UACA: variants seen among roughly 807,000 people sequenced by gnomAD.
UACA encodes the protein uveal autoantigen with coiled-coil domains and ankyrin repeats.
A neutral mutation model predicts 160.5 loss-of-function variants in UACA; 112 were observed. That is an observed-to-expected ratio of 0.70 (90% CI 0.60 to 0.82). UACA has a LOEUF of 0.82. Among genes scored for constraint, UACA ranks in the 40% least tolerant of loss-of-function variants. The pLI is 0.00. For missense variants in UACA, 1,574 were observed against 1,614.6 expected, an observed-to-expected ratio of 0.97 and a Z score of 0.43; for synonymous variants, 557 against 568.4, an observed-to-expected ratio of 0.98 and a Z score of 0.29.
chr15:70,706,537 A>AC (rs900280537), intron 1 of UACA, among the ~76,000 whole-genome samples: 2 of 151,126 alleles, frequency 1.3e-5, no homozygotes, highest in African/African-American at 4.8e-5. Flanking sequence ...AAAAAAAAAA[A>AC]CTCTAAAGAT....
chr15:70,671,847 G>A, intron 14 of UACA, 118 bp downstream of exon 14: 1 of 726,588 alleles, frequency 1.4e-6, no homozygotes, highest in Admixed American at 3.5e-5. Context: ...TGCTGATGAA[G>A]TTTAGCAGCA....
In UACA at chr15:70,763,537, G is replaced by A. The variant is rs989292566; in HGVS notation, c.-130C>T. The A allele has an allele frequency of 1.4e-5, 18 of 1,245,628 alleles. No homozygotes were observed. Among genetic ancestry groups the A allele is most frequent in the Non-Finnish European group, 1.8e-5 (18 of 991,426 alleles). The allele number at this position is 1,245,628 out of a possible 1,614,324, so 77.2% of individuals were successfully genotyped here. The stretch of plus-strand genomic sequence containing the variant: ...AGCCCCACCTGCCTGCCACCTGCGG[G>A]CCCCGGGCAGCAGACGTCGACAGGC... On this transcript the variant is annotated 5_prime_UTR_variant, in exon 1 of 19. Coordinates refer to ENST00000322954, the MANE Select transcript of UACA (RefSeq NM_018003.4).
intron 1 of UACA, among the ~76,000 whole-genome samples, chr15:70,729,427 T>C (rs972215483): frequency 6.6e-6 from 1 of 152,134 alleles, no homozygotes; most frequent in Non-Finnish European, 1.5e-5. Flanking sequence ...CGCAAATTAA[T>C]GCAGAAACAG....
At chr15:70,755,937 C>CT (rs2141015857) in intron 1 of UACA, among the ~76,000 whole-genome samples, 1 of 152,244 alleles carries the variant, frequency 6.6e-6, no homozygotes, top group Non-Finnish European at 1.5e-5. Context: ...AGCTCACACT[C>CT]TACCTTTCAA....
intron 1 of UACA, among the ~76,000 whole-genome samples, chr15:70,723,992 T>C (rs532278970): frequency 5.9e-5 from 9 of 152,342 alleles, no homozygotes; most frequent in Admixed American, 3.3e-4. Flanking sequence ...CTCCCTGTTA[T>C]ATATTCTGGT....
chr15:70,657,149 G>A, intron 18 of UACA, 22 bp from the exon 19 acceptor site: 2 of 1,600,388 alleles, frequency 1.2e-6, no homozygotes, highest in Non-Finnish European at 1.7e-6. Flanking sequence ...GAAGAAAGAG[G>A]AGCATTATTT....
chr15:70,663,667 C>A (rs1896798918), intron 17 of UACA, among the ~76,000 whole-genome samples: 2 of 152,070 alleles, frequency 1.3e-5, no homozygotes, highest in Non-Finnish European at 2.9e-5. Context: ...GGCACATATA[C>A]ACCATGGAAT....
chr15:70,716,103 G>A (rs1162435011), intron 1 of UACA, among the ~76,000 whole-genome samples: 1 of 152,112 alleles, frequency 6.6e-6, no homozygotes, highest in Non-Finnish European at 1.5e-5. Flanking sequence ...CTTGAATCCG[G>A]CCTGGACTTG....
In UACA at chr15:70,667,846, A is replaced by G. The variant is rs145177868; in HGVS notation, c.2838T>C (p.Asn946=). The G allele has an allele frequency of 2.1e-4, 347 of 1,614,016 alleles. 1 individual carries two copies. The African/African-American group carries it at 4.5e-3, about 21-fold the overall frequency. Residue 946 remains asparagine (N), a synonymous_variant, in exon 16 of 19, where the codon AAT becomes AAC. Coordinates refer to ENST00000322954, the MANE Select transcript of UACA (RefSeq NM_018003.4). ...SQSMRKVQDS[N]AEILANYRKG... ...TTCTGTAGTTGGCCAAGATTTCAGC[A>G]TTACTATCCTGCACCTTTCTCATGC... is the stretch of plus-strand genomic sequence containing the variant.
intron 1 of UACA, among the ~76,000 whole-genome samples, chr15:70,747,045 G>A (rs1322400314): frequency 6.6e-6 from 1 of 152,024 alleles, no homozygotes; most frequent in East Asian, 1.9e-4. Flanking sequence ...GGGTTGATGT[G>A]TGCAGCAAAC....
intron 1 of UACA, among the ~76,000 whole-genome samples, chr15:70,710,356 C>G (rs894574687): frequency 2.6e-5 from 4 of 152,116 alleles, no homozygotes; most frequent in African/African-American, 7.2e-5. Flanking sequence ...TAGGAAAAAC[C>G]AAACTTTTCC....
chr15:70,657,182 G>T (rs1319204770), intron 18 of UACA, 55 bp from the exon 19 acceptor site: 2 of 1,414,206 alleles, frequency 1.4e-6, no homozygotes. Flanking sequence ...GTTTACATAA[G>T]AATTCTAAAG....
chr15:70,759,512 G>A lies in UACA; in HGVS notation c.78+3818C>T, dbSNP rs186811309. On this transcript the variant is annotated intron_variant, in intron 1 of 18. Coordinates refer to ENST00000322954, the MANE Select transcript of UACA (RefSeq NM_018003.4). ...CTCTACTAAAAATACAAAATGAGCC[G>A]GGCATGGTGGCAAATGCCTGTAATC... Among the ~76,000 whole-genome samples the A allele has an allele frequency of 5.8e-3, 883 of 152,240 alleles. 8 individuals carry two copies. Among genetic ancestry groups the A allele is most frequent in the African/African-American group, 0.02 (851 of 41,532 alleles).
At chr15:70,762,402 G>A (rs763228984) in intron 1 of UACA, among the ~76,000 whole-genome samples, 8 of 152,160 alleles carry the variant, frequency 5.3e-5, no homozygotes, top group Non-Finnish European at 7.3e-5. Flanking sequence ...ACTCCTTTAC[G>A]TTCGACTCTT....
chr15:70,764,129 A>G (rs1394988108), upstream of UACA, among the ~76,000 whole-genome samples: 1 of 152,162 alleles, frequency 6.6e-6, no homozygotes, highest in Admixed American at 6.5e-5. Flanking sequence ...AAGACGTTAT[A>G]GTAAGTTACA....
chr15:70,757,471 A>G (rs1343253143), intron 1 of UACA, among the ~76,000 whole-genome samples: 2 of 152,276 alleles, frequency 1.3e-5, no homozygotes, highest in African/African-American at 2.4e-5. Flanking sequence ...CCCCTTCTTC[A>G]TATATTAGCT....
At chr15:70,673,346 A>G (rs1055857742) in intron 13 of UACA, among the ~76,000 whole-genome samples, 12 of 152,176 alleles carry the variant, frequency 7.9e-5, no homozygotes, top group African/African-American at 2.7e-4. Flanking sequence ...TGTAGTTCAT[A>G]TTTGTATATT....
the UACA span, among the ~76,000 whole-genome samples, chr15:70,769,110 G>A: frequency 2.3e-3 from 349 of 152,060 alleles, no homozygotes; most frequent in Non-Finnish European, 3.8e-3. Flanking sequence ...TGTAATCCCA[G>A]CACTTTGGGA....
intron 1 of UACA, among the ~76,000 whole-genome samples, chr15:70,719,054 G>C (rs1898911474): frequency 6.6e-6 from 1 of 151,200 alleles, no homozygotes. Context: ...AGGAAGGGTA[G>C]AAAGAAGGGA....
Sources: allele counts gnomAD v4.1 joint callset (sites outside exome capture counted in the v4.1 genomes callset), GRCh38; gene constraint gnomAD v4.1.1; transcripts MANE v1.5; gene names NCBI Gene and HGNC (gene_info 2026-07-23, HGNC 2026-07-21).